Variants in ADAM12 observed in about 807,000 individuals in gnomAD.
The protein encoded by ADAM12 is ADAM metallopeptidase domain 12, also known as disintegrin and metalloproteinase domain-containing protein 12.
A neutral mutation model predicts 106.4 loss-of-function variants in ADAM12; 70 were observed. The ratio of observed to expected loss-of-function variants is 0.66; its 90% CI spans 0.54 to 0.80. ADAM12 has a LOEUF of 0.80. ADAM12 is among the 30% of genes least tolerant of loss of function. ADAM12 has a pLI of 0.00. For synonymous variants in ADAM12, 420 were observed against 433.5 expected, an observed-to-expected ratio of 0.97 and a Z score of 0.39; for missense variants, 1,010 against 1,171.9, an observed-to-expected ratio of 0.86 and a Z score of 2.02.
intron 11 of ADAM12, among the ~76,000 whole-genome samples, chr10:126,072,683 T>C (rs1049091238): frequency 1.1e-4 from 17 of 152,176 alleles, no homozygotes; most frequent in African/African-American, 4.1e-4. Context: ...GCCAGTGTTA[T>C]CCAACATACA....
intron 5 of ADAM12, among the ~76,000 whole-genome samples, chr10:126,123,600 G>C (rs1016579189): frequency 6.6e-6 from 1 of 152,224 alleles, no homozygotes. Context: ...TCTGGGCTGC[G>C]CTCCGTACAC....
intron 3 of ADAM12, among the ~76,000 whole-genome samples, chr10:126,161,304 G>A (rs1956929550): frequency 6.6e-6 from 1 of 152,080 alleles, no homozygotes. Context: ...TCTGGCCCAT[G>A]GATATTATTT....
At chr10:126,353,814 A>G (rs1855447724) in intron 1 of ADAM12, among the ~76,000 whole-genome samples, 1 of 152,156 alleles carries the variant, frequency 6.6e-6, no homozygotes, top group Admixed American at 6.5e-5. Context: ...GCGGTAATCA[A>G]TTGACTGCTC....
chr10:126,181,364 G>A (rs1161315913), intron 3 of ADAM12, among the ~76,000 whole-genome samples: 2 of 151,812 alleles, frequency 1.3e-5, no homozygotes, highest in African/African-American at 2.4e-5. Context: ...GAGCCATCAC[G>A]CCAAGCCTAC....
intron 3 of ADAM12, among the ~76,000 whole-genome samples, chr10:126,251,629 G>A (rs1411635511): frequency 7.3e-5 from 1 of 13,772 alleles, no homozygotes. Flanking sequence ...TAGATGAATG[G>A]ATGGGATGAT....
intron 2 of ADAM12, among the ~76,000 whole-genome samples, chr10:126,316,414 A>C (rs971392759): frequency 1.3e-5 from 2 of 152,204 alleles, no homozygotes; most frequent in African/African-American, 4.8e-5. Flanking sequence ...TCCACCCAAT[A>C]GTATCCTAGG....
rs764229865 is a variant in ADAM12, at chr10:126,012,413, G to A, written c.*4866C>T. 16 of 152,026 alleles carry A rather than the reference G, an allele frequency of 1.1e-4. No homozygotes were observed. Among genetic ancestry groups the A allele is most frequent in the Non-Finnish European group, 1.6e-4 (11 of 68,012 alleles). 9.4% of individuals were successfully genotyped at this position (152,026 alleles called of 1,614,324 possible). ...ATATTTACCTTTATACAATTTATTGGGTTTAATATTCATAACAATAACTTT... is the reference window on the plus strand; with the variant it reads ...ATATTTACCTTTATACAATTTATTGAGTTTAATATTCATAACAATAACTTT... On this transcript the variant is annotated 3_prime_UTR_variant, in exon 23 of 23. Transcript: ENST00000448723.
At chr10:126,268,179 A>G (rs1283774097) in intron 3 of ADAM12, among the ~76,000 whole-genome samples, 1 of 152,144 alleles carries the variant, frequency 6.6e-6, no homozygotes, top group Non-Finnish European at 1.5e-5. Flanking sequence ...GATTTTGCCT[A>G]TTCGAATTTT....
chr10:126,231,172 T>C (rs754478646), intron 3 of ADAM12, among the ~76,000 whole-genome samples: 29 of 152,232 alleles, frequency 1.9e-4, no homozygotes, highest in Non-Finnish European at 3.7e-4. Flanking sequence ...GTTTTAAAAA[T>C]GATTTCTTCA....
At position 126,309,002 on chromosome 10, in the gene ADAM12, A is replaced by G. The variant is rs183085212; in HGVS notation, c.186+21410T>C. The stretch of plus-strand genomic sequence containing the variant: ...CCTGCTTGCCTTCTATTCACCTCTT[A>G]TATCATCCCAGAACCCAGAGTTATT... On this transcript the variant is annotated intron_variant, in intron 2 of 22. Transcript: ENST00000448723. 3.3e-5 allele frequency among the ~76,000 whole-genome samples: 5 copies of G among 152,200 alleles called. No homozygotes were observed. The East Asian group carries it at 5.8e-4, about 18-fold the overall frequency.
At chr10:126,203,463 G>T (rs1957737703) in intron 3 of ADAM12, among the ~76,000 whole-genome samples, 1 of 152,054 alleles carries the variant, frequency 6.6e-6, no homozygotes, top group Non-Finnish European at 1.5e-5. Flanking sequence ...CTTCAGCCAA[G>T]AAAAATTATG....
intron 16 of ADAM12, among the ~76,000 whole-genome samples, chr10:126,048,257 T>G (rs1954379694): frequency 6.6e-6 from 1 of 152,166 alleles, no homozygotes; most frequent in Non-Finnish European, 1.5e-5. Context: ...AGTTTACCTG[T>G]ATAACAAACC....
intron 3 of ADAM12, among the ~76,000 whole-genome samples, chr10:126,214,658 C>A (rs1424783872): frequency 6.6e-6 from 1 of 152,160 alleles, no homozygotes; most frequent in African/African-American, 2.4e-5. Flanking sequence ...GCATTTGTTT[C>A]ATGGGAAAAA....
intron 1 of ADAM12, among the ~76,000 whole-genome samples, chr10:126,375,455 G>A (rs568413142): frequency 6.6e-6 from 1 of 152,028 alleles, no homozygotes; most frequent in African/African-American, 2.4e-5. Context: ...ACAATGAAGG[G>A]CACTAAACCA....
chr10:126,254,515 T>C (rs1395045569), intron 3 of ADAM12, among the ~76,000 whole-genome samples: 2 of 152,156 alleles, frequency 1.3e-5, no homozygotes, highest in African/African-American at 4.8e-5. Flanking sequence ...CTGCGGATGC[T>C]CTCCTCATCT....
intron 4 of ADAM12, among the ~76,000 whole-genome samples, chr10:126,146,350 C>A (rs1486738257): frequency 2.6e-5 from 4 of 152,270 alleles, no homozygotes; most frequent in South Asian, 2.1e-4. Context: ...GAAATTCAAT[C>A]CATTCTCAAT....
At chr10:126,254,796 AC>A (rs1276944367) in intron 3 of ADAM12, among the ~76,000 whole-genome samples, 3 of 152,132 alleles carry the variant, frequency 2.0e-5, no homozygotes, top group African/African-American at 7.2e-5. Context: ...GGGTTTCTTC[AC>A]CTGTTCAGAA....
At chr10:126,114,237 A>T (rs549148630) in intron 6 of ADAM12, among the ~76,000 whole-genome samples, 43 of 152,302 alleles carry the variant, frequency 2.8e-4, no homozygotes, top group African/African-American at 9.9e-4. Context: ...ACATTCTGCC[A>T]GGAGAACAGG....
intron 11 of ADAM12, among the ~76,000 whole-genome samples, chr10:126,082,505 A>G (rs1426779398): frequency 6.6e-6 from 1 of 150,750 alleles, no homozygotes; most frequent in Non-Finnish European, 1.5e-5. Context: ...AGTAGCTGGG[A>G]TTACAGGTGC....
Sources: allele counts gnomAD v4.1 joint callset (sites outside exome capture counted in the v4.1 genomes callset), GRCh38; gene constraint gnomAD v4.1.1; transcripts MANE v1.5; gene names NCBI Gene and HGNC (gene_info 2026-07-23, HGNC 2026-07-21).